The following FAT1 variants were observed in gnomAD, a reference collection of about 807,000 sequenced individuals.
The protein encoded by FAT1 is FAT atypical cadherin 1, also known as protocadherin Fat 1.
In FAT1, 171 loss-of-function variants were observed where a neutral mutation model predicts 329.8. That is an observed-to-expected ratio of 0.52 (90% CI 0.46 to 0.59). The LOEUF is 0.59. Among genes scored for constraint, FAT1 ranks in the 20% least tolerant of loss-of-function variants. The pLI, the probability that FAT1 is intolerant of heterozygous loss-of-function variation, is 0.00. For missense variants in FAT1, 5,672 were observed against 5,774.4 expected (o/e 0.98, Z 0.57); for synonymous variants, 2,233 against 2,228.6 (o/e 1.00, Z -0.06).
rs2126704922 is a variant in FAT1 at position 186,709,535 on chromosome 4, A to C, written c.293T>G (p.Ile98Arg). The C allele has an allele frequency of 6.2e-7, 1 of 1,613,886 alleles. No individual in the cohort carries two copies. Among genetic ancestry groups the C allele is most frequent in the Non-Finnish European group, 8.5e-7 (1 of 1,179,884 alleles). Residue 98 changes from isoleucine (I) to arginine (R), a missense_variant, in exon 2 of 27, where the codon ATA becomes AGA. By Grantham distance (97) the Ile-to-Arg change is moderately conservative (BLOSUM62 -3). Around this residue, in one of 2 missense-constraint regions of FAT1, gnomAD observed 3,966 missense variants for 3,915.2 expected, o/e 1.01. Coordinates refer to ENST00000441802, the MANE Select transcript of FAT1 (RefSeq NM_005245.4). ...AGCTGTATTTCCTCCTTTGGTCCTT[A>C]TTCTTAGAAAGCAAAAGTCTCCGAG... ...YILGDFCFLR[I>R]RTKGGNTAIL...
At chr4:186,589,861 C>A (rs903097554) in intron 26 of FAT1, among the ~76,000 whole-genome samples, 4 of 152,080 alleles carry the variant, frequency 2.6e-5, no homozygotes, top group African/African-American at 9.7e-5. Context: ...ATAAAAGTAA[C>A]CTTTAACATG....
rs1240130811 is a variant in FAT1, at chr4:186,723,758, C to T, written c.-113G>A. The T allele has an allele frequency of 6.6e-6, 1 of 151,000 alleles. No homozygotes were observed. The highest frequency in any genetic ancestry group is 2.4e-5 in the African/African-American group (1 of 41,316). The allele number at this position is 151,000 out of a possible 1,614,324, so 9.4% of individuals were successfully genotyped here. ...CAGGGACCGGGCCTGCCGGGGCCCT[C>T]GCCGGGCTCGCGCGTCCGCATGGTA... On this transcript the variant is annotated 5_prime_UTR_variant, in exon 1 of 27. Transcript: ENST00000441802.
chr4:186,610,684 A>ATTT (rs1560931868), intron 14 of FAT1, among the ~76,000 whole-genome samples: 1 of 54,610 alleles, frequency 1.8e-5, no homozygotes, highest in Non-Finnish European at 3.4e-5. Context: ...TATAAATATA[A>ATTT]ATTATATAAT....
chr4:186,602,568 G>A (rs1013115596), intron 20 of FAT1, among the ~76,000 whole-genome samples: 4 of 152,192 alleles, frequency 2.6e-5, no homozygotes, highest in South Asian at 2.1e-4. Flanking sequence ...CTGCTAAGTG[G>A]AGGGAAAAGG....
rs770484275 is a variant in FAT1, at chr4:186,708,369, C to T, written c.1459G>A (p.Ala487Thr). The change falls in exon 2 of 27, where the codon GCC (alanine) becomes ACC (threonine). Residue 487 changes from alanine to threonine, a missense_variant. Ala to Thr is a moderately conservative substitution (Grantham distance 58). Coordinates refer to ENST00000441802, the MANE Select transcript of FAT1 (RefSeq NM_005245.4). ...PIGTTVMSLS[A>T]VDPDEGENGY... ...TTCTCACCCTCATCAGGGTCTACGG[C>T]ACTCAGGCTCATGACAGTAGTACCA... 6 of 1,613,992 alleles carry T rather than the reference C, an allele frequency of 3.7e-6. No individual in the cohort carries two copies. The highest frequency in any genetic ancestry group is 8.5e-7 in the Non-Finnish European group (1 of 1,179,876).
chr4:186,653,923 G>A (rs1327335018), intron 3 of FAT1, among the ~76,000 whole-genome samples: 1 of 152,088 alleles, frequency 6.6e-6, no homozygotes, highest in East Asian at 1.9e-4. Flanking sequence ...AAAATCTAGT[G>A]TTACTTAAAA....
rs182468905 is a variant in FAT1, at chr4:186,596,640, C to T, written c.12900G>A (p.Ala4300=). The T allele has an allele frequency of 2.9e-5, 47 of 1,610,482 alleles. No individual in the cohort carries two copies. The highest frequency in any genetic ancestry group is 1.7e-4 in the Admixed American group (10 of 59,720). The change falls in exon 25 of 27, where the codon GCG becomes GCA. Residue 4300 remains alanine, a synonymous_variant. Transcript: ENST00000441802. The surrounding 1 kb of genome is among the most constrained non-coding windows in gnomAD (Gnocchi z 4.7). The part of the protein sequence containing the change: ...ESVHGHRKAV[A]VCSVAPNLPP... ...GCAGGTTTGGCGCCACGCTGCAGAC[C>T]GCCACTGCTTTTCGGTGCCCGTGCA...
chr4:186,683,218 A>C (rs991233290), intron 2 of FAT1, among the ~76,000 whole-genome samples: 1 of 152,200 alleles, frequency 6.6e-6, no homozygotes, highest in African/African-American at 2.4e-5. Context: ...AAAATCCTTA[A>C]CACATGCCCT....
intron 3 of FAT1, among the ~76,000 whole-genome samples, chr4:186,648,414 T>C (rs1741480968): frequency 6.6e-6 from 1 of 152,120 alleles, no homozygotes; most frequent in Non-Finnish European, 1.5e-5. Flanking sequence ...TGGCCACACA[T>C]ATAAAAAACT....
At chr4:186,611,286 A>G in intron 14 of FAT1, 100 bp downstream of exon 14, 1 of 1,065,662 alleles carries the variant, frequency 9.4e-7, no homozygotes. Context: ...TAGAACATCT[A>G]CTGACAACAC....
chr4:186,680,526 T>G (rs1211620581), intron 2 of FAT1, among the ~76,000 whole-genome samples: 3 of 152,138 alleles, frequency 2.0e-5, no homozygotes, highest in African/African-American at 7.2e-5. Context: ...CAAATACCTT[T>G]ACAAAGGCAC....
chr4:186,628,520 C>T lies in FAT1; in HGVS notation c.4567G>A (p.Glu1523Lys). Reference protein sequence around the residue: ...SLYTSEKLDHEAVHQHTLTVM... With the variant: ...SLYTSEKLDHKAVHQHTLTVM... ...GTGAGGGTGTGCTGGTGAACAGCTT[C>T]ATGATCCAGTTTCTCAGAAGTATAG... The change falls in exon 8 of 27, where the codon GAA becomes AAA. Residue 1523 changes from glutamate (E) to lysine (K), a missense_variant. By Grantham distance (56) the Glu-to-Lys change is moderately conservative. Coordinates refer to ENST00000441802, the MANE Select transcript of FAT1 (RefSeq NM_005245.4). The T allele has an allele frequency of 1.2e-6, 2 of 1,614,018 alleles. No homozygotes were observed. The highest frequency in any genetic ancestry group is 1.7e-6 in the Non-Finnish European group (2 of 1,179,890).
rs758997195 is a variant in FAT1 at position 186,618,344 on chromosome 4, C to A, written c.8242G>T (p.Asp2748Tyr). 1 of 1,614,004 alleles carries A rather than the reference C, an allele frequency of 6.2e-7. No homozygotes were observed. The highest frequency in any genetic ancestry group is 8.5e-7 in the Non-Finnish European group (1 of 1,179,900). Residue 2748 changes from aspartate (D) to tyrosine (Y), a missense_variant, in exon 10 of 27, where the codon GAT becomes TAT. By Grantham distance (160) the Asp-to-Tyr change is radical (BLOSUM62 -3). Around this residue, in one of 2 missense-constraint regions of FAT1, gnomAD observed 3,966 missense variants for 3,915.2 expected, o/e 1.01. Transcript: ENST00000441802. ...VKGNTPESNRDESFVIDRQSG... is the reference protein window; with the variant it reads ...VKGNTPESNRYESFVIDRQSG... ...TGTCTGTCAATCACAAAGGACTCAT[C>A]CCTATTGCTTTCTGGAGTATTCCCT...
chr4:186,714,271 C>CAT (rs1554001748), intron 1 of FAT1, among the ~76,000 whole-genome samples: 2 of 9,996 alleles, frequency 2.0e-4, no homozygotes, highest in Admixed American at 1.1e-3. Flanking sequence ...TTGCCTGATG[C>CAT]TGGAGTGGGG....
rs375067325 is a variant in FAT1 at position 186,709,473 on chromosome 4, T to C, written c.355A>G (p.Ile119Val). ...NREVKDHYTL[I>V]VKALEKNTNV... is the part of the protein sequence containing the mutation. ...GTATTTTTTTCAAGTGCTTTCACTATCAATGTGTAGTGATCCTTCACTTCT... is the reference window on the plus strand; with the variant it reads ...GTATTTTTTTCAAGTGCTTTCACTACCAATGTGTAGTGATCCTTCACTTCT... The change falls in exon 2 of 27, where the codon ATA becomes GTA. Residue 119 changes from isoleucine (I) to valine (V), a missense_variant. By Grantham distance (29) the Ile-to-Val change is conservative. Transcript: ENST00000441802. The C allele has an allele frequency of 9.3e-6, 15 of 1,613,860 alleles. No homozygotes were observed. The highest frequency in any genetic ancestry group is 1.3e-5 in the Non-Finnish European group (15 of 1,179,884).
chr4:186,625,669 C>T (rs1339592242), intron 9 of FAT1, among the ~76,000 whole-genome samples: 1 of 152,252 alleles, frequency 6.6e-6, no homozygotes, highest in Non-Finnish European at 1.5e-5. Flanking sequence ...GGACTATATT[C>T]CTTGTACTAA....
chr4:186,680,959 GC>G (rs1743181349), intron 2 of FAT1, among the ~76,000 whole-genome samples: 1 of 152,178 alleles, frequency 6.6e-6, no homozygotes, highest in African/African-American at 2.4e-5. Context: ...TTAATGATCT[GC>G]CAACCAAACC....
At chr4:186,716,474 C>G (rs745927384) in intron 1 of FAT1, among the ~76,000 whole-genome samples, 1 of 152,022 alleles carries the variant, frequency 6.6e-6, no homozygotes, top group Non-Finnish European at 1.5e-5. Context: ...ATCTCCCAGG[C>G]TGGAGAGCAG....
chr4:186,673,656 A>T (rs1010878201), intron 2 of FAT1, among the ~76,000 whole-genome samples: 1 of 152,272 alleles, frequency 6.6e-6, no homozygotes, highest in African/African-American at 2.4e-5. Flanking sequence ...AAATTGCTGC[A>T]ATAACTTCAA....
Sources: gnomAD v4.1 joint callset for allele counts (sites outside exome capture counted in the v4.1 genomes callset) on GRCh38, gnomAD v4.1.1 for gene constraint, gnomAD v4.1.1 regional missense constraint, Gnocchi (gnomAD v3.1) non-coding constraint, MANE v1.5 for transcripts, NCBI Gene and HGNC (gene_info 2026-07-23, HGNC 2026-07-21) for gene names.